SETD2: variants seen among roughly 807,000 people sequenced by gnomAD.
SETD2 encodes histone-lysine N-methyltransferase SETD2.
Under a neutral mutation model 242.1 loss-of-function variants are expected in SETD2, and 31 were observed. The observed-to-expected ratio is 0.13, with a 90% CI of 0.10 to 0.17. The LOEUF is 0.17. Among genes scored for constraint, SETD2 ranks in the 10% least tolerant of loss-of-function variants. The pLI is 1.00. For missense variants in SETD2, 2,481 were observed against 3,046.3 expected (o/e 0.81, Z 4.37); for synonymous variants, 1,006 against 1,066.5 (o/e 0.94, Z 1.11).
intron 18 of SETD2, among the ~76,000 whole-genome samples, chr3:47,022,639 G>C (rs1284472424): frequency 6.6e-6 from 1 of 152,186 alleles, no homozygotes; most frequent in Non-Finnish European, 1.5e-5. Flanking sequence ...GGCTTATATA[G>C]AGTATCAGTC....
intron 5 of SETD2, among the ~76,000 whole-genome samples, chr3:47,107,461 GTATA>G (rs58371254): frequency 6.6e-6 from 1 of 151,948 alleles, no homozygotes; most frequent in Admixed American, 6.5e-5. Flanking sequence ...TATAGTGGAT[GTATA>G]TATATATTTA....
Position 47,106,013 on chromosome 3 carries a change from G to A in SETD2, c.4823C>T (p.Ala1608Val). Reference sequence around the variant, plus strand: ...GCTGCTTACCTCATCATTCTTCAGGGCCATGAAATAGTAATGGATGTTTTT... The same window carrying A: ...GCTGCTTACCTCATCATTCTTCAGGACCATGAAATAGTAATGGATGTTTTT... ...RNKNIHYYFM[A>V]LKNDEIIDAT... The change falls in exon 6 of 21, where the codon GCC becomes GTC. Residue 1608 changes from alanine (A) to valine (V), a missense_variant. By Grantham distance (64) the Ala-to-Val change is moderately conservative. Around this residue, in one of 17 missense-constraint regions of SETD2, gnomAD observed 61 missense variants for 221.4 expected, o/e 0.28. Transcript: ENST00000409792. 6.2e-7 allele frequency: 1 copy of A among 1,613,568 alleles called. No individual in the cohort carries two copies. The highest frequency in any genetic ancestry group is 8.5e-7 in the Non-Finnish European group (1 of 1,179,770).
At chr3:47,057,949 A>G (rs1184872729) in intron 14 of SETD2, among the ~76,000 whole-genome samples, 1 of 152,206 alleles carries the variant, frequency 6.6e-6, no homozygotes, top group Non-Finnish European at 1.5e-5. Flanking sequence ...CTTCAAATTC[A>G]AAAGTCCAAT....
At chr3:47,039,711 C>CAAAAAAAA (rs554753105) in intron 17 of SETD2, among the ~76,000 whole-genome samples, 1 of 101,604 alleles carries the variant, frequency 9.8e-6, no homozygotes, top group Non-Finnish European at 1.9e-5. Flanking sequence ...ACCGAAAATA[C>CAAAAAAAA]AAAAAAAAAA....
chr3:47,076,172 A>G lies in SETD2; in HGVS notation c.6060+7548T>C, dbSNP rs7645448. ...AAACAGGAAAGACTTTCCGGGGGGGAAAAGGAAGAAATTTAAATGAGAAGA... is the reference window on the plus strand; with the variant it reads ...AAACAGGAAAGACTTTCCGGGGGGGGAAAGGAAGAAATTTAAATGAGAAGA... On this transcript the variant is annotated intron_variant, in intron 12 of 20. Coordinates refer to ENST00000409792, the MANE Select transcript of SETD2 (RefSeq NM_014159.7). Among the ~76,000 whole-genome samples the G allele has an allele frequency of 1.0e-2, 1,516 of 152,166 alleles. 31 individuals are homozygous for G. The highest frequency in any genetic ancestry group is 0.035 in the African/African-American group (1,454 of 41,496).
chr3:47,102,556 T>C (rs1459103904), intron 7 of SETD2, among the ~76,000 whole-genome samples: 1 of 152,172 alleles, frequency 6.6e-6, no homozygotes, highest in Non-Finnish European at 1.5e-5. Context: ...TTTGGGAGGC[T>C]GACGGGGGTG....
rs778158607 is a variant in SETD2 at position 47,120,803 on chromosome 3, T to C, written c.3833A>G (p.Tyr1278Cys). 5.0e-6 allele frequency: 8 copies of C among 1,614,246 alleles called. No homozygotes were observed. The highest frequency in any genetic ancestry group is 1.1e-5 in the South Asian group (1 of 91,082). The part of the protein sequence containing the change: ...STTYQQPDSS[Y>C]GACGGHKYQQ... ...ATACTTGTGTCCACCACAAGCTCCATAGCTACTGTCAGGTTGCTGATACGT... is the reference window on the plus strand; with the variant it reads ...ATACTTGTGTCCACCACAAGCTCCACAGCTACTGTCAGGTTGCTGATACGT... Residue 1278 changes from tyrosine (Y) to cysteine (C), a missense_variant, in exon 3 of 21, where the codon TAT becomes TGT. Around this residue, in one of 17 missense-constraint regions of SETD2, gnomAD observed 1,300 missense variants for 1,259.2 expected, o/e 1.03. Transcript: ENST00000409792.
chr3:47,140,528 C>G (rs7630154), intron 1 of SETD2, among the ~76,000 whole-genome samples: 5 of 152,150 alleles, frequency 3.3e-5, no homozygotes, highest in Admixed American at 2.0e-4. Context: ...TGCATAAATG[C>G]TGAAATTCAT....
chr3:47,126,933 G>A (rs1411117939), intron 1 of SETD2, among the ~76,000 whole-genome samples: 2 of 152,064 alleles, frequency 1.3e-5, no homozygotes. Flanking sequence ...CTTCCTGTAA[G>A]TCACAAAAAA....
At chr3:47,129,935 A>G (rs1302651606) in intron 1 of SETD2, among the ~76,000 whole-genome samples, 2 of 152,138 alleles carry the variant, frequency 1.3e-5, no homozygotes, top group Non-Finnish European at 2.9e-5. Flanking sequence ...TTCTGACATA[A>G]TTAGTTGAAA....
At chr3:47,075,170 G>GA (rs1394973043) in intron 12 of SETD2, among the ~76,000 whole-genome samples, 1 of 151,182 alleles carries the variant, frequency 6.6e-6, no homozygotes, top group Non-Finnish European at 1.5e-5. Context: ...AGTATTAAAG[G>GA]AAAAAAAGAT....
Position 47,124,378 on chromosome 3 carries a change from A to T in SETD2, c.258T>A (p.Asn86Lys), listed in dbSNP as rs2106726730. The T allele has an allele frequency of 6.4e-7, 1 of 1,551,950 alleles. No homozygotes were observed. The highest frequency in any genetic ancestry group is 8.7e-7 in the Non-Finnish European group (1 of 1,147,042). ...SFSLTKKTLQ[N>K]RFLTALGNEK... ...CATTGCCAAGTGCAGTGAGAAACCTATTCTGCAAAGTTTTCTTTGTAAGGC... is the reference window on the plus strand; with the variant it reads ...CATTGCCAAGTGCAGTGAGAAACCTTTTCTGCAAAGTTTTCTTTGTAAGGC... Residue 86 changes from asparagine (N) to lysine (K), a missense_variant, in exon 3 of 21, where the codon AAT becomes AAA. Asn to Lys is a moderately conservative substitution (Grantham distance 94). Around this residue, in one of 17 missense-constraint regions of SETD2, gnomAD observed 334 missense variants for 374.5 expected, o/e 0.89. Transcript: ENST00000409792.
chr3:47,030,249 T>C (rs1353028194), intron 18 of SETD2, among the ~76,000 whole-genome samples: 1 of 152,108 alleles, frequency 6.6e-6, no homozygotes, highest in Non-Finnish European at 1.5e-5. Flanking sequence ...TATTAAAAAA[T>C]ATGCAAATTA....
intron 13 of SETD2, among the ~76,000 whole-genome samples, chr3:47,065,172 A>G (rs1323464765): frequency 6.6e-6 from 1 of 152,166 alleles, no homozygotes; most frequent in African/African-American, 2.4e-5. Context: ...GCCAACCACT[A>G]TTGCCCAGTC....
intron 7 of SETD2, among the ~76,000 whole-genome samples, chr3:47,102,071 G>A (rs1049493679): frequency 2.0e-5 from 3 of 152,204 alleles, no homozygotes; most frequent in Non-Finnish European, 4.4e-5. Flanking sequence ...TAGTGAAAGG[G>A]ACATCAGAAC....
At chr3:47,065,551 C>T (rs142808336) in intron 13 of SETD2, among the ~76,000 whole-genome samples, 1 of 152,082 alleles carries the variant, frequency 6.6e-6, no homozygotes, top group Non-Finnish European at 1.5e-5. Flanking sequence ...GTGATCCCAG[C>T]ACTTTGGGAG....
At chr3:47,130,030 G>A (rs1412346220) in intron 1 of SETD2, among the ~76,000 whole-genome samples, 1 of 152,138 alleles carries the variant, frequency 6.6e-6, no homozygotes, top group Non-Finnish European at 1.5e-5. Context: ...CCTCAATGTT[G>A]CTGCCCAAAG....
chr3:47,083,626 T>C (rs775443712), intron 12 of SETD2, 94 bp downstream of exon 12: 72 of 1,154,690 alleles, frequency 6.2e-5, no homozygotes, highest in Admixed American at 1.8e-4. Flanking sequence ...TTCAGAAATA[T>C]GCATGGCTAA....
chr3:47,101,361 TA>T, intron 8 of SETD2, 96 bp downstream of exon 8: 1 of 696,252 alleles, frequency 1.4e-6, no homozygotes, highest in Non-Finnish European at 2.5e-6. Flanking sequence ...AGAGTAAATA[TA>T]ACTTTTAAGT....
Sources: allele counts gnomAD v4.1 joint callset (sites outside exome capture counted in the v4.1 genomes callset), GRCh38; gene constraint gnomAD v4.1.1; regional missense constraint gnomAD v4.1.1; transcripts MANE v1.5; gene names NCBI Gene and HGNC (gene_info 2026-07-23, HGNC 2026-07-21).